PHF21A: variants seen among roughly 807,000 people sequenced by gnomAD.
The protein encoded by PHF21A is PHD finger protein 21A, also known as BHC80a.
PHF21A carries 11 observed loss-of-function variants against 82.5 expected under a neutral mutation model. The ratio of observed to expected loss-of-function variants is 0.13; its 90% CI spans 0.08 to 0.22. PHF21A has a LOEUF of 0.22. Ranked by LOEUF, PHF21A falls within the 10% of genes least tolerant of loss-of-function variation. The probability of loss-of-function intolerance (pLI) is 1.00; values close to 1 mark genes in which losing one functional copy is unlikely to be tolerated. For synonymous variants in PHF21A, 297 were observed against 302.8 expected, an observed-to-expected ratio of 0.98 and a Z score of 0.20; for missense variants, 579 against 837.8, an observed-to-expected ratio of 0.69 and a Z score of 3.81.
chr11:45,948,311 T>C (rs917787080), intron 14 of PHF21A, among the ~76,000 whole-genome samples: 3 of 152,176 alleles, frequency 2.0e-5, no homozygotes, highest in African/African-American at 7.2e-5. Flanking sequence ...AGGTCTGAAA[T>C]ATGGGATTGG....
chr11:46,078,935 G>A (rs971206638), intron 5 of PHF21A, among the ~76,000 whole-genome samples, 199 bp downstream of exon 5: 1 of 151,838 alleles, frequency 6.6e-6, no homozygotes, highest in Non-Finnish European at 1.5e-5. Context: ...TAACAAAGAT[G>A]AAATAATAGC....
chr11:46,005,690 A>T (rs375964519), intron 6 of PHF21A, among the ~76,000 whole-genome samples: 2 of 152,240 alleles, frequency 1.3e-5, no homozygotes, highest in East Asian at 3.8e-4. Context: ...TAGGGGAACC[A>T]TCAGCACCAA....
At chr11:46,077,082 G>A (rs765559540) in intron 5 of PHF21A, among the ~76,000 whole-genome samples, 9 of 152,140 alleles carry the variant, frequency 5.9e-5, no homozygotes, top group South Asian at 2.1e-4. Flanking sequence ...CATCTTGTAC[G>A]GTAAGAGTAC....
chr11:45,987,539 T>C (rs1237001830), intron 6 of PHF21A, among the ~76,000 whole-genome samples: 1 of 150,870 alleles, frequency 6.6e-6, no homozygotes, highest in Non-Finnish European at 1.5e-5. Context: ...TGGGCGCCTG[T>C]AATCCCAGCT....
At chr11:45,967,613 C>A (rs181409485) in intron 9 of PHF21A, among the ~76,000 whole-genome samples, 5 of 152,292 alleles carry the variant, frequency 3.3e-5, no homozygotes, top group Admixed American at 3.3e-4. Context: ...CCTGAGCTAT[C>A]CTTGGACAGC....
chr11:46,060,823 T>A (rs569244595), intron 6 of PHF21A, among the ~76,000 whole-genome samples: 1 of 152,276 alleles, frequency 6.6e-6, no homozygotes, highest in Non-Finnish European at 1.5e-5. Flanking sequence ...TTTAGTTTAT[T>A]TGGATCCCAT....
intron 1 of PHF21A, among the ~76,000 whole-genome samples, chr11:46,093,328 G>A (rs1042479945): frequency 6.6e-6 from 1 of 152,128 alleles, no homozygotes; most frequent in African/African-American, 2.4e-5. Context: ...CATTGCCTCA[G>A]GGAATATTTC....
In PHF21A at chr11:46,040,890, GACACACACACACACAC is replaced by G. The variant is rs35673374; in HGVS notation, c.153+35848_153+35863del. Among the ~76,000 whole-genome samples the G allele has an allele frequency of 1.0e-4, 14 of 137,320 alleles. No homozygotes were observed. The South Asian group carries it at 1.7e-3, about 17-fold the overall frequency. 90.1% of individuals were successfully genotyped at this position (137,320 alleles called of 152,430 possible). A position where few individuals can be genotyped will look rare whatever the true frequency, so the allele number is the denominator to read the frequency against. ...ACCCTTAGAACTACACTGACAGGAAGACACACACACACACACACACACACACACACACACACACACA... is the reference window on the plus strand; with the variant it reads ...ACCCTTAGAACTACACTGACAGGAAGACACACACACACACACACACACACA... On this transcript the variant is annotated intron_variant, in intron 6 of 18. Coordinates refer to ENST00000676320, the MANE Select transcript of PHF21A (RefSeq NM_001352027.3).
intron 15 of PHF21A, among the ~76,000 whole-genome samples, chr11:45,943,607 T>G (rs953610036): frequency 2.0e-5 from 3 of 152,232 alleles, no homozygotes; most frequent in Non-Finnish European, 4.4e-5. Context: ...AAAATCCAAG[T>G]TGATTTTGCA....
At chr11:46,086,644 ATT>A (rs2096860507) in intron 3 of PHF21A, among the ~76,000 whole-genome samples, 1 of 152,184 alleles carries the variant, frequency 6.6e-6, no homozygotes, top group Non-Finnish European at 1.5e-5. Context: ...CTTGGTTTTA[ATT>A]TTTACAAGGC....
At chr11:46,085,388 A>AG (rs1322685508) in intron 3 of PHF21A, among the ~76,000 whole-genome samples, 1 of 152,158 alleles carries the variant, frequency 6.6e-6, no homozygotes, top group Non-Finnish European at 1.5e-5. Context: ...TATGACACCC[A>AG]GCTTGACCTT....
intron 6 of PHF21A, chr11:46,049,494 G>A (rs973021750): frequency 2.2e-6 from 1 of 456,114 alleles, no homozygotes; most frequent in Non-Finnish European, 4.4e-6. Flanking sequence ...GAAACAGATG[G>A]CTTCTAAAAG....
chr11:45,939,180 G>A (rs1445983265), intron 15 of PHF21A, among the ~76,000 whole-genome samples: 1 of 152,142 alleles, frequency 6.6e-6, no homozygotes, highest in African/African-American at 2.4e-5. Flanking sequence ...TAGTCGCCAA[G>A]GCCAAAATTA....
intron 4 of PHF21A, among the ~76,000 whole-genome samples, chr11:46,083,765 C>T (rs997246081): frequency 4.6e-5 from 7 of 152,084 alleles, no homozygotes; most frequent in African/African-American, 7.2e-5. Flanking sequence ...TTGGAATCAA[C>T]GCATAAAGCT....
chr11:46,049,084 C>T (rs1209859256), intron 6 of PHF21A, among the ~76,000 whole-genome samples: 1 of 152,172 alleles, frequency 6.6e-6, no homozygotes, highest in Non-Finnish European at 1.5e-5. Flanking sequence ...ATGCTTCACA[C>T]CAAGTTTTAG....
intron 10 of PHF21A, among the ~76,000 whole-genome samples, chr11:45,963,806 C>T (rs1310837417): frequency 6.6e-6 from 1 of 152,202 alleles, no homozygotes; most frequent in African/African-American, 2.4e-5. Context: ...CAGGTCCCCA[C>T]CCAAACTCCT....
intron 6 of PHF21A, among the ~76,000 whole-genome samples, chr11:46,028,494 A>T (rs550746594): frequency 6.6e-6 from 1 of 151,960 alleles, no homozygotes; most frequent in African/African-American, 2.4e-5. Flanking sequence ...CTGAAACTCT[A>T]AGACTTCCTG....
At chr11:46,026,903 A>G (rs934867356) in intron 6 of PHF21A, 1 of 152,190 alleles carries the variant, frequency 6.6e-6, no homozygotes, top group African/African-American at 2.4e-5. Flanking sequence ...AGCATTGAAA[A>G]ATGCCCAGAG....
intron 6 of PHF21A, among the ~76,000 whole-genome samples, chr11:46,000,518 A>C (rs2136999784): frequency 6.7e-6 from 1 of 149,686 alleles, no homozygotes; most frequent in Non-Finnish European, 1.5e-5. Context: ...AGACTCTATA[A>C]CGTTTTTCTT....
Sources: gnomAD v4.1 joint callset for allele counts (sites outside exome capture counted in the v4.1 genomes callset) on GRCh38, gnomAD v4.1.1 for gene constraint, MANE v1.5 for transcripts, NCBI Gene and HGNC (gene_info 2026-07-23, HGNC 2026-07-21) for gene names.